CATSPERE: variants seen among roughly 807,000 people sequenced by gnomAD.
The protein encoded by CATSPERE is catsper channel auxiliary subunit epsilon.
Under a neutral mutation model 114.1 loss-of-function variants are expected in CATSPERE, and 93 were observed. That is an observed-to-expected ratio of 0.81 (90% CI 0.69 to 0.97). CATSPERE has a LOEUF of 0.97. Ranked by LOEUF, CATSPERE falls within the 50% of genes least tolerant of loss-of-function variation. CATSPERE has a pLI of 0.00. For synonymous variants in CATSPERE, 341 were observed against 384.1 expected (o/e 0.89, Z 1.31); for missense variants, 1,058 against 1,131.6 (o/e 0.93, Z 0.93).
chr1:244,603,439 G>A (rs141049381), intron 17 of CATSPERE, among the ~76,000 whole-genome samples: 12 of 152,162 alleles, frequency 7.9e-5, no homozygotes, highest in South Asian at 2.1e-4. Flanking sequence ...CATTTCTTAG[G>A]CTTAATTAGT....
intron 8 of CATSPERE, among the ~76,000 whole-genome samples, chr1:244,519,053 T>C (rs1677098013): frequency 6.6e-6 from 1 of 152,114 alleles, no homozygotes; most frequent in African/African-American, 2.4e-5. Context: ...CCACAAATTC[T>C]ACCTGAAAGG....
chr1:244,463,856 A>C (rs1667184904), intron 1 of CATSPERE, 52 bp from the exon 2 acceptor site: 1 of 1,436,272 alleles, frequency 7.0e-7, no homozygotes, highest in African/African-American at 1.4e-5. Flanking sequence ...GAATCCTCAT[A>C]TTTGAAGAAT....
intron 13 of CATSPERE, among the ~76,000 whole-genome samples, chr1:244,586,847 A>G (rs1364803350): frequency 6.6e-6 from 1 of 152,212 alleles, no homozygotes. Context: ...AAATGGAAGT[A>G]GGTATCCCAG....
chr1:244,626,017 T>C (rs968879629), intron 20 of CATSPERE, among the ~76,000 whole-genome samples: 16 of 152,164 alleles, frequency 1.1e-4, no homozygotes, highest in Non-Finnish European at 1.5e-5. Flanking sequence ...ATTCCACTTA[T>C]AGAGCACAGG....
intron 14 of CATSPERE, 147 bp downstream of exon 14, chr1:244,588,681 AT>A: frequency 3.0e-6 from 2 of 663,694 alleles, no homozygotes; most frequent in South Asian, 3.8e-5. Context: ...CCTAGATTCA[AT>A]TGGTTTAAAC....
At chr1:244,525,378 T>C (rs1458324531) in intron 8 of CATSPERE, among the ~76,000 whole-genome samples, 1 of 150,042 alleles carries the variant, frequency 6.7e-6, no homozygotes, top group Non-Finnish European at 1.5e-5. Flanking sequence ...CTGGAAGATA[T>C]ACCTAATGCT....
intron 8 of CATSPERE, among the ~76,000 whole-genome samples, chr1:244,548,920 G>T (rs3000687): frequency 0.99 from 151,194 of 152,290 alleles, 75,062 homozygotes; most frequent in Middle Eastern, 1. Context: ...TAGCAAATTT[G>T]TGCCTCCTGT....
In CATSPERE at chr1:244,560,797, G is replaced by A. The variant is rs1418144099; in HGVS notation, c.1159G>A (p.Ala387Thr). 1.2e-6 allele frequency: 2 copies of A among 1,613,992 alleles called. No homozygotes were observed. The highest frequency in any genetic ancestry group is 1.7e-6 in the Non-Finnish European group (2 of 1,179,914). Residue 387 changes from alanine to threonine, a missense_variant, in exon 10 of 22, where the codon GCT becomes ACT. Physicochemically the swap from Ala to Thr is moderately conservative, Grantham distance 58 (BLOSUM62 0). This residue lies in a region of CATSPERE where 787 missense variants were observed against 905.6 expected (regional missense o/e 0.87). Transcript: ENST00000366534. ...AAACATCCTAAGTCTATCGGTGACTGCTACTCTGACCATAGACAGGGTTGA... is the reference window on the plus strand; with the variant it reads ...AAACATCCTAAGTCTATCGGTGACTACTACTCTGACCATAGACAGGGTTGA... ...LKNILSLSVT[A>T]TLTIDRVEYT...
rs1433268488 is a variant in CATSPERE at position 244,515,340 on chromosome 1, TCA to T, written c.430-3251_430-3250del. 10 of 978,912 alleles carry T rather than the reference TCA, an allele frequency of 1.0e-5. No individual in the cohort carries two copies. The African/African-American group carries it at 1.6e-4, about 15-fold the overall frequency. 60.6% of individuals were successfully genotyped at this position (978,912 alleles called of 1,614,324 possible). A position where few individuals can be genotyped will look rare whatever the true frequency, so the allele number is the denominator to read the frequency against. On this transcript the variant is annotated intron_variant, in intron 7 of 21. Coordinates refer to ENST00000366534, the MANE Select transcript of CATSPERE (RefSeq NM_001130957.2). ...TCTCCTCTGGATGGTGAGATTTTTTTCATTATTTGTTCAACAAATATTTATAA... is the reference window on the plus strand; with the variant it reads ...TCTCCTCTGGATGGTGAGATTTTTTTTTATTTGTTCAACAAATATTTATAA...
chr1:244,638,623 C>T (rs1674947503), intron 21 of CATSPERE, among the ~76,000 whole-genome samples: 2 of 152,192 alleles, frequency 1.3e-5, no homozygotes, highest in Non-Finnish European at 2.9e-5. Flanking sequence ...GTCTCAAAGA[C>T]TAGTCAAACT....
intron 17 of CATSPERE, among the ~76,000 whole-genome samples, chr1:244,604,164 G>T (rs558239240): frequency 6.6e-6 from 1 of 152,166 alleles, no homozygotes; most frequent in Non-Finnish European, 1.5e-5. Flanking sequence ...TGTCTGTTGC[G>T]AAAGGGTCCC....
intron 21 of CATSPERE, among the ~76,000 whole-genome samples, chr1:244,639,189 G>C (rs1378606615): frequency 6.6e-6 from 1 of 152,214 alleles, no homozygotes; most frequent in Non-Finnish European, 1.5e-5. Flanking sequence ...GTCCTGAGGT[G>C]TTACCACATT....
chr1:244,564,840 A>T (rs938282278), intron 10 of CATSPERE, among the ~76,000 whole-genome samples: 3 of 152,190 alleles, frequency 2.0e-5, no homozygotes, highest in African/African-American at 7.2e-5. Context: ...TTCAGAGGGA[A>T]TGCTTCCAGC....
intron 8 of CATSPERE, among the ~76,000 whole-genome samples, chr1:244,548,566 C>T (rs1295869874): frequency 2.0e-5 from 3 of 152,216 alleles, no homozygotes; most frequent in Non-Finnish European, 4.4e-5. Context: ...TAATTATCAT[C>T]CATGGACTTA....
chr1:244,542,710 C>T (rs1334115175), intron 8 of CATSPERE, among the ~76,000 whole-genome samples: 1 of 151,984 alleles, frequency 6.6e-6, no homozygotes, highest in Non-Finnish European at 1.5e-5. Context: ...ATAAGACTAC[C>T]CTGGATCTAA....
intron 21 of CATSPERE, among the ~76,000 whole-genome samples, chr1:244,635,783 TAA>T (rs1382054849): frequency 3.9e-5 from 6 of 152,218 alleles, no homozygotes; most frequent in Non-Finnish European, 7.3e-5. Flanking sequence ...ATGGTTTTAA[TAA>T]GTCTATATTT....
At chr1:244,510,835 C>CTTTTTTTTTTTTTTTTTTTT (rs747921082) in intron 7 of CATSPERE, among the ~76,000 whole-genome samples, 6 of 48,342 alleles carry the variant, frequency 1.2e-4, no homozygotes, top group African/African-American at 2.8e-4. Flanking sequence ...TTTTCTTTTT[C>CTTTTTTTTTTTTTTTTTTTT]TTTTTTTTTT....
chr1:244,549,896 T>G (rs1660336943), intron 8 of CATSPERE, among the ~76,000 whole-genome samples: 1 of 152,116 alleles, frequency 6.6e-6, no homozygotes, highest in Non-Finnish European at 1.5e-5. Flanking sequence ...AAGATAACCC[T>G]CCCCAGTGTG....
intron 8 of CATSPERE, among the ~76,000 whole-genome samples, chr1:244,521,028 A>T (rs1677453511): frequency 6.6e-6 from 1 of 152,198 alleles, no homozygotes; most frequent in Non-Finnish European, 1.5e-5. Context: ...GTGAATGTAG[A>T]TGCCAAATCC....
Sources: gnomAD v4.1 joint callset for allele counts (sites outside exome capture counted in the v4.1 genomes callset) on GRCh38, gnomAD v4.1.1 for gene constraint, gnomAD v4.1.1 regional missense constraint, MANE v1.5 for transcripts, NCBI Gene and HGNC (gene_info 2026-07-23, HGNC 2026-07-21) for gene names.